Variants in AFDN observed in about 807,000 individuals in gnomAD.
AFDN encodes afadin, adherens junction formation factor, also known as afadin.
Under a neutral mutation model 216.6 loss-of-function variants are expected in AFDN, and 68 were observed. The observed-to-expected ratio is 0.31, with a 90% CI of 0.26 to 0.38. The LOEUF (loss-of-function observed/expected upper bound fraction) is 0.38, where lower values mean the gene tolerates loss of function less well. Ranked by LOEUF, AFDN falls within the 10% of genes least tolerant of loss-of-function variation. The pLI, the probability that AFDN is intolerant of heterozygous loss-of-function variation, is 1.00. For synonymous variants in AFDN, 868 were observed against 853.7 expected, an observed-to-expected ratio of 1.02 and a Z score of -0.29; for missense variants, 2,136 against 2,342.0, an observed-to-expected ratio of 0.91 and a Z score of 1.82.
chr6:167,864,764 G>A lies in AFDN; in HGVS notation c.301+18G>A, dbSNP rs1783981651. On this transcript the variant is annotated intron_variant, in intron 2 of 33. Coordinates refer to ENST00000683244, the MANE Select transcript of AFDN (RefSeq NM_001386888.1). ...CAGCGGAGGTCAGTGTATACAGGAA[G>A]GGTTTGCTAGAGGCATGACCTGACC... 6.2e-7 allele frequency: 1 copy of A among 1,612,942 alleles called. No homozygotes were observed. The highest frequency in any genetic ancestry group is 8.5e-7 in the Non-Finnish European group (1 of 1,179,166).
intron 23 of AFDN, among the ~76,000 whole-genome samples, chr6:167,939,360 G>C (rs559735651): frequency 6.6e-6 from 1 of 152,134 alleles, no homozygotes; most frequent in Admixed American, 6.5e-5. Context: ...TTGCTTTTCT[G>C]TAGTCAGGTG....
chr6:167,902,660 CAA>C (rs1451674322), intron 12 of AFDN, among the ~76,000 whole-genome samples: 1 of 152,136 alleles, frequency 6.6e-6, no homozygotes, highest in Non-Finnish European at 1.5e-5. Flanking sequence ...TATATTATAA[CAA>C]TATACTCAAA....
chr6:167,839,288 A>T (rs928500983), intron 1 of AFDN, among the ~76,000 whole-genome samples: 2 of 152,194 alleles, frequency 1.3e-5, no homozygotes, highest in Admixed American at 6.5e-5. Flanking sequence ...ATGAACAGCA[A>T]ACGTTTCGGA....
intron 2 of AFDN, among the ~76,000 whole-genome samples, chr6:167,866,982 T>C (rs545548370): frequency 3.3e-5 from 5 of 152,350 alleles, no homozygotes; most frequent in African/African-American, 1.2e-4. Flanking sequence ...TCCAAGTCTT[T>C]GTGTGAATTC....
intron 28 of AFDN, 22 bp from the exon 29 acceptor site, chr6:167,948,271 T>G: frequency 6.3e-7 from 1 of 1,583,540 alleles, no homozygotes; most frequent in Non-Finnish European, 8.6e-7. Context: ...AGCTCACTTT[T>G]TTTGTTCTTC....
intron 28 of AFDN, 83 bp from the exon 29 acceptor site, chr6:167,948,210 A>T (rs1482463890): frequency 4.1e-6 from 5 of 1,224,360 alleles, no homozygotes; most frequent in Non-Finnish European, 5.7e-6. Context: ...ACTATTTTTT[A>T]AATTTTAAAA....
In AFDN at chr6:167,882,917, AG is replaced by A. The variant is rs1786314868; in HGVS notation, c.897+2401del. ...TAAGGCTGGTGCTAGTCTTCTCAAC[AG>A]TAACTATGGTATCTGGCATGCCGTG... On this transcript the variant is annotated intron_variant, in intron 6 of 33. Coordinates refer to ENST00000683244, the MANE Select transcript of AFDN (RefSeq NM_001386888.1). 1.3e-5 allele frequency among the ~76,000 whole-genome samples: 2 copies of A among 152,192 alleles called. 1 individual carries two copies. The highest frequency in any genetic ancestry group is 4.1e-4 in the South Asian group (2 of 4,824).
intron 6 of AFDN, among the ~76,000 whole-genome samples, chr6:167,886,107 C>G (rs1358360124): frequency 6.6e-6 from 1 of 150,822 alleles, no homozygotes; most frequent in East Asian, 1.9e-4. Flanking sequence ...TTTTTTTTTC[C>G]CTTGTGCTTT....
In AFDN at chr6:167,857,039, C is replaced by G. The variant is rs532172464; in HGVS notation, c.106-7512C>G. ...TAAAAAGTTTAAAAGCAATGTTAAC[C>G]TCGTTATTTATACTCACACTGTAAA... On this transcript the variant is annotated intron_variant, in intron 1 of 33. Coordinates refer to ENST00000683244, the MANE Select transcript of AFDN (RefSeq NM_001386888.1). 2.0e-5 allele frequency among the ~76,000 whole-genome samples: 3 copies of G among 152,140 alleles called. No homozygotes were observed. The South Asian group carries it at 6.2e-4, about 32-fold the overall frequency.
At position 167,970,148 on chromosome 6, in the gene AFDN, T is replaced by G. The variant is rs762069344; in HGVS notation, c.*213T>G. ...ATTGCCATTTATGTAATTTAAACAC[T>G]GTCTAGTTTCTTAATTATCTAACTC... On this transcript the variant is annotated 3_prime_UTR_variant, in exon 34 of 34. Coordinates refer to ENST00000683244, the MANE Select transcript of AFDN (RefSeq NM_001386888.1). 18 of 496,384 alleles carry G rather than the reference T, an allele frequency of 3.6e-5. No individual in the cohort carries two copies. The highest frequency in any genetic ancestry group is 5.2e-5 in the Non-Finnish European group (15 of 289,536). 30.7% of individuals were successfully genotyped at this position (496,384 alleles called of 1,614,324 possible).
At chr6:167,934,363 G>C (rs1401524729) in intron 23 of AFDN, among the ~76,000 whole-genome samples, 1 of 152,188 alleles carries the variant, frequency 6.6e-6, no homozygotes, top group African/African-American at 2.4e-5. Context: ...GTTGCTGAAT[G>C]TAGAATTCAT....
chr6:167,930,770 C>A (rs937167297), intron 23 of AFDN, among the ~76,000 whole-genome samples: 3 of 152,106 alleles, frequency 2.0e-5, no homozygotes, highest in Non-Finnish European at 4.4e-5. Flanking sequence ...AATAAAACTT[C>A]ATAAAGAAAG....
chr6:167,837,384 CTT>C (rs544869303), intron 1 of AFDN, among the ~76,000 whole-genome samples: 11 of 124,202 alleles, frequency 8.9e-5, no homozygotes, highest in Admixed American at 8.1e-5. Flanking sequence ...GCTTTTCAGG[CTT>C]TTTTTTTTTT....
intron 1 of AFDN, among the ~76,000 whole-genome samples, chr6:167,861,346 A>G (rs1783544077): frequency 6.6e-6 from 1 of 152,218 alleles, no homozygotes; most frequent in South Asian, 2.1e-4. Context: ...ATACTAAAAC[A>G]TAGTTTTCAT....
rs116228661 is a variant in AFDN at position 167,970,835 on chromosome 6, G to A, written c.*900G>A. ...GACAGAAGAATGGGAGATGAGTAGG[G>A]ACCCCTCAAGCACAGCTGTCACTCA... On this transcript the variant is annotated 3_prime_UTR_variant, in exon 34 of 34. Transcript: ENST00000683244. 1,816 of 219,006 alleles carry A rather than the reference G, an allele frequency of 8.3e-3. 39 individuals carry two copies. Among genetic ancestry groups the A allele is most frequent in the African/African-American group, 0.038 (1,706 of 44,566 alleles). 13.6% of individuals were successfully genotyped at this position (219,006 alleles called of 1,614,324 possible). A position where few individuals can be genotyped will look rare whatever the true frequency, so the allele number is the denominator to read the frequency against.
intron 1 of AFDN, among the ~76,000 whole-genome samples, chr6:167,859,781 GT>G (rs375813172): frequency 4.6e-4 from 50 of 109,482 alleles, no homozygotes; most frequent in Non-Finnish European, 4.6e-4. Flanking sequence ...TGTTATTGTT[GT>G]TTTTTTTTTT....
chr6:167,895,376 A>G (rs1788112301), intron 9 of AFDN, among the ~76,000 whole-genome samples: 1 of 152,212 alleles, frequency 6.6e-6, no homozygotes, highest in African/African-American at 2.4e-5. Flanking sequence ...TATGTCCAGG[A>G]AAAGCCCCAG....
intron 1 of AFDN, among the ~76,000 whole-genome samples, chr6:167,847,400 A>C (rs374246021): frequency 6.6e-6 from 1 of 152,024 alleles, no homozygotes; most frequent in South Asian, 2.1e-4. Flanking sequence ...ATTTAGGTGC[A>C]CTCTAGGCAT....
At chr6:167,917,355 C>G in intron 20 of AFDN, 123 bp downstream of exon 20, 1 of 1,079,994 alleles carries the variant, frequency 9.3e-7, no homozygotes, top group Non-Finnish European at 1.3e-6. Context: ...CTTACAAGAT[C>G]ATTTTCGTGT....
Sources: allele counts gnomAD v4.1 joint callset (sites outside exome capture counted in the v4.1 genomes callset), GRCh38; gene constraint gnomAD v4.1.1; transcripts MANE v1.5; gene names NCBI Gene and HGNC (gene_info 2026-07-23, HGNC 2026-07-21).